KCNN2: variants seen among roughly 807,000 people sequenced by gnomAD.
KCNN2 encodes the protein potassium calcium-activated channel subfamily N member 2.
KCNN2 carries 24 observed loss-of-function variants against 55.5 expected under a neutral mutation model. The ratio of observed to expected loss-of-function variants is 0.43; its 90% CI spans 0.31 to 0.61. The LOEUF is 0.61. Among genes scored for constraint, KCNN2 ranks in the 20% least tolerant of loss-of-function variants. The pLI, the probability that KCNN2 is intolerant of heterozygous loss-of-function variation, is 0.08. For synonymous variants in KCNN2, 431 were observed against 336.1 expected, an observed-to-expected ratio of 1.28 and a Z score of -3.09; for missense variants, 754 against 853.6, an observed-to-expected ratio of 0.88 and a Z score of 1.45.
intron 2 of KCNN2, among the ~76,000 whole-genome samples, chr5:114,310,235 G>A (rs1052715075): frequency 1.3e-5 from 2 of 152,092 alleles, no homozygotes; most frequent in African/African-American, 4.8e-5. Context: ...AAGAGAGAGA[G>A]GGAGAGACCA....
At chr5:114,322,448 AT>A (rs1756630790) in intron 2 of KCNN2, among the ~76,000 whole-genome samples, 1 of 152,202 alleles carries the variant, frequency 6.6e-6, no homozygotes, top group African/African-American at 2.4e-5. Flanking sequence ...ATATCTGTTT[AT>A]TTTATGTGAA....
At chr5:114,188,145 A>C (rs554793587) in intron 1 of KCNN2, among the ~76,000 whole-genome samples, 1 of 152,288 alleles carries the variant, frequency 6.6e-6, no homozygotes, top group East Asian at 1.9e-4. Flanking sequence ...AGATATCTTC[A>C]AGTTTTGGAC....
rs1756652404 is a variant in KCNN2 at position 114,323,473 on chromosome 5, TAAAA to T, written c.-184-37471_-184-37468del. Among the ~76,000 whole-genome samples, 5 of 152,182 alleles carry T rather than the reference TAAAA, an allele frequency of 3.3e-5. 1 individual carries two copies. Among genetic ancestry groups the T allele is most frequent in the Admixed American group, 3.3e-4 (5 of 15,274 alleles). On this transcript the variant is annotated intron_variant, in intron 2 of 10. Transcript: ENST00000512097. The stretch of plus-strand genomic sequence containing the variant: ...TAAGCTCTTAAATCTTTAAAGATAA[TAAAA>T]CTAAAAAAGTAATGAGAAAAATGTT...
At chr5:114,448,124 A>G (rs1179778851) in intron 3 of KCNN2, among the ~76,000 whole-genome samples, 2 of 152,088 alleles carry the variant, frequency 1.3e-5, no homozygotes, top group Non-Finnish European at 2.9e-5. Flanking sequence ...TGTTTACAAA[A>G]TTTTACTTGC....
intron 1 of KCNN2, among the ~76,000 whole-genome samples, chr5:114,160,071 C>T (rs1486681243): frequency 6.6e-6 from 1 of 152,010 alleles, no homozygotes; most frequent in African/African-American, 2.4e-5. Flanking sequence ...GCTCTTGCTT[C>T]TCTAGTTCTT....
intron 3 of KCNN2, among the ~76,000 whole-genome samples, chr5:114,458,386 G>C (rs561338980): frequency 6.6e-6 from 1 of 152,080 alleles, no homozygotes; most frequent in Non-Finnish European, 1.5e-5. Context: ...ACAGATCTTG[G>C]AACATAACAC....
In KCNN2 at chr5:114,206,989, G is replaced by C. The variant is rs568022966; in HGVS notation, c.-270-14491G>C. Among the ~76,000 whole-genome samples, 7 of 152,190 alleles carry C rather than the reference G, an allele frequency of 4.6e-5. No homozygotes were observed. In the South Asian group the frequency reaches 1.5e-3, roughly 32 times the overall value. ...TCTCAGACTTAGAATTCCCTATTCT[G>C]TGCCCCCTACAAAGGACTTAGTGTA... On this transcript the variant is annotated intron_variant, in intron 1 of 10. Coordinates refer to the KCNN2 transcript ENST00000512097.
intron 1 of KCNN2, among the ~76,000 whole-genome samples, chr5:114,160,446 G>C (rs1752745968): frequency 6.6e-6 from 1 of 152,132 alleles, no homozygotes; most frequent in Admixed American, 6.6e-5. Flanking sequence ...TTTTGGAATA[G>C]GTGTGGTCTG....
chr5:114,285,924 T>C lies in KCNN2; in HGVS notation c.-185+64359T>C, dbSNP rs865896840. ...CACCTACAATTTGGGAAGCTTTTTT[T>C]TTTTTTTTTTCTCTGACGGAGTTTC... is the stretch of plus-strand genomic sequence containing the variant. On this transcript the variant is annotated intron_variant, in intron 2 of 10. Transcript: ENST00000512097. 6.7e-4 allele frequency among the ~76,000 whole-genome samples: 101 copies of C among 151,832 alleles called. 1 individual carries two copies. In the South Asian group the frequency reaches 7.9e-3, roughly 12 times the overall value.
At chr5:114,281,453 T>C (rs1412945154) in intron 2 of KCNN2, among the ~76,000 whole-genome samples, 1 of 152,172 alleles carries the variant, frequency 6.6e-6, no homozygotes, top group African/African-American at 2.4e-5. Flanking sequence ...TTTCACATGA[T>C]TATTTGAGTG....
rs1031967468 is a variant in KCNN2 at position 114,362,453 on chromosome 5, C to T, written c.314C>T (p.Ser105Leu). 2.2e-5 allele frequency: 9 copies of T among 400,512 alleles called. No homozygotes were observed. Among genetic ancestry groups the T allele is most frequent in the Non-Finnish European group, 4.0e-5 (9 of 225,960 alleles). 24.8% of individuals were successfully genotyped at this position (400,512 alleles called of 1,614,324 possible). A position where few individuals can be genotyped will look rare whatever the true frequency, so the allele number is the denominator to read the frequency against. The change falls in exon 1 of 8, where the codon TCG becomes TTG. Residue 105 changes from serine (S) to leucine (L), a missense_variant. Physicochemically the swap from Ser to Leu is moderately radical, Grantham distance 145. Around this residue, in one of 4 missense-constraint regions of KCNN2, gnomAD observed 381 missense variants for 259.1 expected, o/e 1.47. Transcript: ENST00000673685. ...GGCGCCTTCCGGACCCGCACCTCCT[C>T]GCCGCTGTCGGGCTCGTCCTGCTGC... ...PGGAFRTRTS[S>L]PLSGSSCCCC...
At chr5:114,433,377 C>T (rs899081425) in intron 3 of KCNN2, among the ~76,000 whole-genome samples, 1 of 152,098 alleles carries the variant, frequency 6.6e-6, no homozygotes, top group African/African-American at 2.4e-5. Context: ...ACGTGGAGAA[C>T]CTTTGTGTCT....
chr5:114,113,804 G>A (rs1169882442), intron 1 of KCNN2, among the ~76,000 whole-genome samples: 2 of 152,020 alleles, frequency 1.3e-5, no homozygotes, highest in Non-Finnish European at 2.9e-5. Flanking sequence ...TCTTCTTCAT[G>A]GCCAAAAACT....
At chr5:114,466,576 A>C (rs963212117) in intron 4 of KCNN2, among the ~76,000 whole-genome samples, 2 of 152,080 alleles carry the variant, frequency 1.3e-5, no homozygotes, top group African/African-American at 4.8e-5. Flanking sequence ...CCTTGTGGGT[A>C]AGGGTATCTT....
chr5:114,473,508 A>T (rs1424956887), intron 5 of KCNN2, among the ~76,000 whole-genome samples: 1 of 152,168 alleles, frequency 6.6e-6, no homozygotes, highest in Non-Finnish European at 1.5e-5. Flanking sequence ...TGGAAACGTG[A>T]TTGAAAATGT....
chr5:114,150,924 G>A (rs962599061), intron 1 of KCNN2, among the ~76,000 whole-genome samples: 4 of 152,256 alleles, frequency 2.6e-5, no homozygotes, highest in Middle Eastern at 3.4e-3. Context: ...AGGAGGATGA[G>A]GCAGGAGAAT....
intron 1 of KCNN2, among the ~76,000 whole-genome samples, chr5:114,145,787 G>A (rs1450267852): frequency 1.3e-5 from 2 of 152,158 alleles, no homozygotes; most frequent in Non-Finnish European, 2.9e-5. Context: ...TCTGTGGAGT[G>A]ACACAGGGTA....
intron 1 of KCNN2, among the ~76,000 whole-genome samples, chr5:114,186,382 C>T (rs1173659625): frequency 1.8e-4 from 27 of 152,054 alleles, no homozygotes; most frequent in Middle Eastern, 3.2e-3. Flanking sequence ...GGTCCCAAAA[C>T]CCAGAGTAAC....
At chr5:114,210,832 G>T (rs1753867085) in intron 1 of KCNN2, among the ~76,000 whole-genome samples, 1 of 152,096 alleles carries the variant, frequency 6.6e-6, no homozygotes. Flanking sequence ...TTCTTATCTA[G>T]AAACGTAGCA....
Sources: gnomAD v4.1 joint callset for allele counts (sites outside exome capture counted in the v4.1 genomes callset) on GRCh38, gnomAD v4.1.1 for gene constraint, gnomAD v4.1.1 regional missense constraint, MANE v1.5 for transcripts, NCBI Gene and HGNC (gene_info 2026-07-23, HGNC 2026-07-21) for gene names.